TSPEAR: variants seen among roughly 807,000 people sequenced by gnomAD.
The protein encoded by TSPEAR is thrombospondin type laminin G domain and EAR repeats.
A neutral mutation model predicts 71.6 loss-of-function variants in TSPEAR; 69 were observed. That is an observed-to-expected ratio of 0.96 (90% confidence interval 0.79 to 1.18). The LOEUF (loss-of-function observed/expected upper bound fraction) is 1.18, where lower values mean the gene tolerates loss of function less well. Ranked by LOEUF, TSPEAR falls within the 50% of genes most tolerant of loss-of-function variation. The probability of loss-of-function intolerance (pLI) is 0.00; values close to 1 mark genes in which losing one functional copy is unlikely to be tolerated. For missense variants in TSPEAR, 971 were observed against 894.9 expected, an observed-to-expected ratio of 1.09 and a Z score of -1.09; for synonymous variants, 402 against 387.2, an observed-to-expected ratio of 1.04 and a Z score of -0.45.
At position 44,685,292 on chromosome 21, in the gene TSPEAR, G is replaced by A. The variant is rs1555948760; in HGVS notation, c.82+26141C>T. 3.3e-5 allele frequency among the ~76,000 whole-genome samples: 5 copies of A among 152,180 alleles called. No homozygotes were observed. In the South Asian group the frequency reaches 6.2e-4, roughly 19 times the overall value. Reference sequence around the variant, plus strand: ...CATACCCCTACTGTGTGACACCACCGTAGAATAAAGCGCTGTGGCCAATCC... The same window carrying A: ...CATACCCCTACTGTGTGACACCACCATAGAATAAAGCGCTGTGGCCAATCC... On this transcript the variant is annotated intron_variant, in intron 1 of 11. Transcript: ENST00000323084.
At chr21:44,561,881 A>T (rs1414357118) in intron 2 of TSPEAR, among the ~76,000 whole-genome samples, 1 of 152,248 alleles carries the variant, frequency 6.6e-6, no homozygotes, top group Non-Finnish European at 1.5e-5. Flanking sequence ...ATCATACTGA[A>T]TGAGCAAAAG....
At chr21:44,652,579 G>GA (rs1251164847) in intron 1 of TSPEAR, among the ~76,000 whole-genome samples, 2 of 152,166 alleles carry the variant, frequency 1.3e-5, no homozygotes, top group Non-Finnish European at 2.9e-5. Context: ...TACGAAGGGG[G>GA]AATTCTCCTC....
intron 1 of TSPEAR, among the ~76,000 whole-genome samples, chr21:44,600,103 CAGAG>C (rs1369480588): frequency 5.3e-5 from 8 of 152,154 alleles, no homozygotes; most frequent in African/African-American, 1.9e-4. Flanking sequence ...CTTTATGCAC[CAGAG>C]AGAGTGTGGG....
intron 1 of TSPEAR, among the ~76,000 whole-genome samples, chr21:44,624,928 T>C (rs1022606022): frequency 3.9e-5 from 6 of 152,284 alleles, no homozygotes; most frequent in Admixed American, 6.5e-5. Flanking sequence ...TGCCCTCAAA[T>C]AGAGATTTTG....
intron 4 of TSPEAR, 122 bp downstream of exon 4, chr21:44,530,921 C>T (rs1367569679): frequency 1.2e-6 from 1 of 804,060 alleles, no homozygotes; most frequent in Non-Finnish European, 2.1e-6. Flanking sequence ...TCCACGCACG[C>T]TGTACCTTCT....
At position 44,587,209 on chromosome 21, in the gene TSPEAR, A is replaced by G. The variant is rs150860872; in HGVS notation, c.83-19204T>C. 3.0e-4 allele frequency among the ~76,000 whole-genome samples: 45 copies of G among 152,366 alleles called. No individual in the cohort carries two copies. The East Asian group carries it at 8.5e-3, about 29-fold the overall frequency. ...AGCAAAGTTTCCAGATGCAAAATTA[A>G]TGTACACAAATCAGTAGCTCTCCTA... On this transcript the variant is annotated intron_variant, in intron 1 of 11. Transcript: ENST00000323084.
intron 1 of TSPEAR, among the ~76,000 whole-genome samples, chr21:44,599,648 C>T (rs1229275502): frequency 2.0e-5 from 3 of 152,222 alleles, no homozygotes; most frequent in Non-Finnish European, 4.4e-5. Flanking sequence ...TAAATGAATG[C>T]TTGAGAAGTA....
At chr21:44,572,119 C>T (rs1007157054) in intron 1 of TSPEAR, among the ~76,000 whole-genome samples, 26 of 152,248 alleles carry the variant, frequency 1.7e-4, no homozygotes, top group Non-Finnish European at 2.8e-4. Context: ...CCTCCCCCAA[C>T]GCGATGCCCA....
chr21:44,508,283 A>G (rs1399038696), intron 10 of TSPEAR: 1 of 170,170 alleles, frequency 5.9e-6, no homozygotes, highest in African/African-American at 2.4e-5. Flanking sequence ...TTCATCTTGG[A>G]GACTCTTCCC....
At chr21:44,572,793 C>A (rs1286602449) in intron 1 of TSPEAR, among the ~76,000 whole-genome samples, 4 of 150,664 alleles carry the variant, frequency 2.7e-5, no homozygotes, top group Non-Finnish European at 5.9e-5. Flanking sequence ...ATAGGCCCTA[C>A]TGCAATAATG....
intron 2 of TSPEAR, among the ~76,000 whole-genome samples, chr21:44,562,200 T>C (rs1038145217): frequency 1.3e-5 from 2 of 151,898 alleles, no homozygotes; most frequent in African/African-American, 4.8e-5. Context: ...GACAAGCAGA[T>C]AGCCAAATCA....
chr21:44,708,381 G>T (rs782373851), intron 1 of TSPEAR, among the ~76,000 whole-genome samples: 4 of 152,078 alleles, frequency 2.6e-5, no homozygotes, highest in Admixed American at 1.3e-4. Context: ...TGGAGACCTC[G>T]CCAAGGACCA....
At position 44,529,353 on chromosome 21, in the gene TSPEAR, G is replaced by A. The variant is rs782424996; in HGVS notation, c.790+445C>T. 1.3e-4 allele frequency among the ~76,000 whole-genome samples: 20 copies of A among 152,364 alleles called. 1 individual carries two copies. The South Asian group carries it at 1.9e-3, about 14-fold the overall frequency. On this transcript the variant is annotated intron_variant, in intron 5 of 11. Transcript: ENST00000323084. ...TCTGGGCCGGGGGATCGTGGAAGAC[G>A]TGAGTGTAGGGCCAGAGTGGGCCCG... is the stretch of plus-strand genomic sequence containing the variant.
At chr21:44,637,364 C>T in intron 1 of TSPEAR, 12 of 1,573,080 alleles carry the variant, frequency 7.6e-6, no homozygotes, top group Non-Finnish European at 1.0e-5. Flanking sequence ...CACACTCACT[C>T]ACACACTCAC....
rs140772762 is a variant in TSPEAR, at chr21:44,583,451, G to A, written c.83-15446C>T. The stretch of plus-strand genomic sequence containing the variant: ...TAACAGAAGCACCTCCTGCAGCTCC[G>A]CACTAAGCCGGTGTTGGCTGGTTTG... On this transcript the variant is annotated intron_variant, in intron 1 of 11. Transcript: ENST00000323084. Among the ~76,000 whole-genome samples, 386 of 152,314 alleles carry A rather than the reference G, an allele frequency of 2.5e-3. 3 individuals are homozygous for A. The highest frequency in any genetic ancestry group is 8.4e-3 in the African/African-American group (348 of 41,572).
intron 1 of TSPEAR, among the ~76,000 whole-genome samples, chr21:44,622,073 A>G (rs1197757777): frequency 2.6e-5 from 4 of 152,178 alleles, no homozygotes; most frequent in Non-Finnish European, 5.9e-5. Flanking sequence ...ACTTAAATAG[A>G]CCCTTCCCTA....
chr21:44,612,472 C>T lies in TSPEAR; in HGVS notation c.83-44467G>A, dbSNP rs782188086. On this transcript the variant is annotated intron_variant, in intron 1 of 11. Transcript: ENST00000323084. This position sits in a 1 kb window ranked among gnomAD's most constrained non-coding sequence, Gnocchi z 4.1. ...AGGCCTGCTGTGTGCCTGTGTGCTG[C>T]AAGTCCAACTGCTGCAAGCCCGTGT... 1.2e-6 allele frequency: 2 copies of T among 1,610,122 alleles called. No homozygotes were observed. The highest frequency in any genetic ancestry group is 8.5e-7 in the Non-Finnish European group (1 of 1,177,120).
Position 44,628,670 on chromosome 21 carries a change from A to T in TSPEAR, c.83-60665T>A, listed in dbSNP as rs1983058620. 2.0e-5 allele frequency among the ~76,000 whole-genome samples: 3 copies of T among 150,288 alleles called. No individual in the cohort carries two copies. In the South Asian group the frequency reaches 6.3e-4, roughly 32 times the overall value. On this transcript the variant is annotated intron_variant, in intron 1 of 11. Coordinates refer to ENST00000323084, the MANE Select transcript of TSPEAR (RefSeq NM_144991.3). ...CTGTGGGTAGAAGCAGCTCCTTCCC[A>T]TGGCAAGGGTTGGGGCTGTCCCGGG...
chr21:44,711,356 G>T lies in TSPEAR; in HGVS notation c.82+77C>A. 7.5e-7 allele frequency: 1 copy of T among 1,340,288 alleles called. No individual in the cohort carries two copies. Among genetic ancestry groups the T allele is most frequent in the Non-Finnish European group, 1.0e-6 (1 of 965,310 alleles). The allele number at this position is 1,340,288 out of a possible 1,614,324, so 83.0% of individuals were successfully genotyped here. On this transcript the variant is annotated intron_variant, in intron 1 of 11. Coordinates refer to ENST00000323084, the MANE Select transcript of TSPEAR (RefSeq NM_144991.3). The surrounding 1 kb of genome is among the most constrained non-coding windows in gnomAD (Gnocchi z 4.5). Reference sequence around the variant, plus strand: ...CCGCGGCTTGAATCAGTGTTAGAAAGTGGCATTTGTGACTCGACACCCCTC... The same window carrying T: ...CCGCGGCTTGAATCAGTGTTAGAAATTGGCATTTGTGACTCGACACCCCTC...
Sources: allele counts gnomAD v4.1 joint callset (sites outside exome capture counted in the v4.1 genomes callset), GRCh38; gene constraint gnomAD v4.1.1; non-coding constraint Gnocchi (gnomAD v3.1); transcripts MANE v1.5; gene names NCBI Gene and HGNC (gene_info 2026-07-23, HGNC 2026-07-21).